Variants in UBE4B observed in about 807,000 individuals in gnomAD.
The protein encoded by UBE4B is ubiquitin conjugation factor E4 B.
In UBE4B, 27 loss-of-function variants were observed where a neutral mutation model predicts 148.1. The ratio of observed to expected loss-of-function variants is 0.18; its 90% CI spans 0.13 to 0.25. The LOEUF (loss-of-function observed/expected upper bound fraction) is 0.25. Among genes scored for constraint, UBE4B ranks in the 10% least tolerant of loss-of-function variants. The probability of loss-of-function intolerance (pLI) is 1.00; values close to 1 mark genes in which losing one functional copy is unlikely to be tolerated. For synonymous variants in UBE4B, 596 were observed against 619.3 expected (o/e 0.96, Z 0.56); for missense variants, 1,170 against 1,662.4 (o/e 0.70, Z 5.15).
At chr1:10,159,506 A>G (rs1193062439) in intron 22 of UBE4B, among the ~76,000 whole-genome samples, 1 of 152,174 alleles carries the variant, frequency 6.6e-6, no homozygotes, top group Non-Finnish European at 1.5e-5. Flanking sequence ...CCCCGTCTCT[A>G]CTAAAAATAC....
chr1:10,129,960 T>C (rs1645565448), intron 12 of UBE4B, among the ~76,000 whole-genome samples: 1 of 151,232 alleles, frequency 6.6e-6, no homozygotes, highest in African/African-American at 2.4e-5. Context: ...CCTGTTTTTT[T>C]TCCCTTGACA....
chr1:10,055,085 G>A (rs1056210739), intron 1 of UBE4B, among the ~76,000 whole-genome samples: 7 of 151,994 alleles, frequency 4.6e-5, no homozygotes, highest in East Asian at 1.9e-4. Context: ...CGCACCCGGC[G>A]TGTTTTTACT....
intron 9 of UBE4B, among the ~76,000 whole-genome samples, chr1:10,120,812 T>G (rs1182654402): frequency 6.6e-6 from 1 of 152,172 alleles, no homozygotes; most frequent in African/African-American, 2.4e-5. Flanking sequence ...CACTCCAGCC[T>G]GGGCAACAGA....
At chr1:10,068,308 G>A (rs1194472785) in intron 1 of UBE4B, among the ~76,000 whole-genome samples, 1 of 151,666 alleles carries the variant, frequency 6.6e-6, no homozygotes, top group Non-Finnish European at 1.5e-5. Context: ...GGGATTACGA[G>A]CATGAGCCAC....
chr1:10,149,586 T>C (rs548362369), intron 20 of UBE4B, among the ~76,000 whole-genome samples: 1 of 152,348 alleles, frequency 6.6e-6, no homozygotes, highest in Admixed American at 6.5e-5. Context: ...TATAAATGTC[T>C]GAATGAACAT....
intron 17 of UBE4B, among the ~76,000 whole-genome samples, chr1:10,139,408 G>A (rs1645751224): frequency 2.0e-5 from 3 of 151,522 alleles, no homozygotes; most frequent in African/African-American, 7.2e-5. Context: ...AAAAAAAAAA[G>A]AAAGAACTGG....
chr1:10,177,797 C>T (rs1646449225), intron 25 of UBE4B, among the ~76,000 whole-genome samples: 1 of 152,094 alleles, frequency 6.6e-6, no homozygotes, highest in African/African-American at 2.4e-5. Context: ...ACTATAAATA[C>T]AAACTACAGC....
At chr1:10,135,220 C>T in intron 16 of UBE4B, 34 bp downstream of exon 16, 1 of 1,584,604 alleles carries the variant, frequency 6.3e-7, no homozygotes, top group South Asian at 1.1e-5. Flanking sequence ...GTCATTAAAA[C>T]ACTGCCCTCT....
intron 17 of UBE4B, among the ~76,000 whole-genome samples, chr1:10,138,571 A>T (rs1003988962): frequency 6.6e-6 from 1 of 152,140 alleles, no homozygotes; most frequent in African/African-American, 2.4e-5. Context: ...AACTCTGCAA[A>T]TTCTTTATGA....
intron 10 of UBE4B, among the ~76,000 whole-genome samples, chr1:10,125,938 G>A (rs191070947): frequency 6.6e-6 from 1 of 152,298 alleles, no homozygotes; most frequent in African/African-American, 2.4e-5. Context: ...GTTTAATGTA[G>A]TAATAATGTT....
rs759661609 is a variant in UBE4B, at chr1:10,137,159, T to G, written c.2317T>G (p.Cys773Gly). 6.2e-6 allele frequency: 10 copies of G among 1,614,192 alleles called. No individual in the cohort carries two copies. Among genetic ancestry groups the G allele is most frequent in the Non-Finnish European group, 8.5e-6 (10 of 1,180,044 alleles). ...TCACCACCTCTCTATTCTGCCTAGT[T>G]GCCGTCGCTATATCCGCAGACTCCG... ...HAHHLSILPS[C>G]RRYIRRLRAI... is the part of the protein sequence containing the mutation. Residue 773 changes from cysteine (C) to glycine (G), a missense_variant, in exon 17 of 28, where the codon TGC becomes GGC. Cys to Gly is a radical substitution (Grantham distance 159). Coordinates refer to ENST00000343090, the MANE Select transcript of UBE4B (RefSeq NM_001105562.3).
rs371947163 is a variant in UBE4B at position 10,106,415 on chromosome 1, G to T, written c.1028G>T (p.Gly343Val). The T allele has an allele frequency of 5.0e-6, 8 of 1,613,712 alleles. No individual in the cohort carries two copies. Among genetic ancestry groups the T allele is most frequent in the South Asian group, 2.2e-5 (2 of 91,032 alleles). Reference protein sequence around the residue: ...YTVTHPWASSGVSILSSSPSP... With the variant: ...YTVTHPWASSVVSILSSSPSP... Reference sequence around the variant, plus strand: ...GTCACTCACCCATGGGCGTCCTCAGGCGTCTCCATTCTGTCGAGCTCCCCA... The same window carrying T: ...GTCACTCACCCATGGGCGTCCTCAGTCGTCTCCATTCTGTCGAGCTCCCCA... Residue 343 changes from glycine to valine, a missense_variant, in exon 7 of 28, where the codon GGC (glycine) becomes GTC (valine). Gly to Val is a moderately radical substitution (Grantham distance 109). Coordinates refer to ENST00000343090, the MANE Select transcript of UBE4B (RefSeq NM_001105562.3). The surrounding 1 kb of genome is among the most constrained non-coding windows in gnomAD (Gnocchi z 4.2).
chr1:10,096,210 A>C lies in UBE4B; in HGVS notation c.347+614A>C, dbSNP rs138527945. Among the ~76,000 whole-genome samples, 353 of 152,344 alleles carry C rather than the reference A, an allele frequency of 2.3e-3. 4 individuals are homozygous for C. Among genetic ancestry groups the C allele is most frequent in the Non-Finnish European group, 3.5e-3 (241 of 68,030 alleles). On this transcript the variant is annotated intron_variant, in intron 3 of 27. Coordinates refer to ENST00000343090, the MANE Select transcript of UBE4B (RefSeq NM_001105562.3). ...ACTTTTACTAATTAGTGAAATTTAA[A>C]AGTTTGGAATATTTCATACAGGTAA... is the stretch of plus-strand genomic sequence containing the variant.
chr1:10,157,648 C>T (rs1646095529), intron 21 of UBE4B, among the ~76,000 whole-genome samples: 1 of 151,916 alleles, frequency 6.6e-6, no homozygotes, highest in African/African-American at 2.4e-5. Flanking sequence ...CGTGGTGGCG[C>T]ATGTCTATAG....
chr1:10,043,359 G>T (rs1387338525), intron 1 of UBE4B, among the ~76,000 whole-genome samples: 1 of 150,276 alleles, frequency 6.7e-6, no homozygotes, highest in African/African-American at 2.4e-5. Context: ...AATCATTTCT[G>T]AGATGTACTC....
intron 2 of UBE4B, among the ~76,000 whole-genome samples, chr1:10,086,890 A>G (rs570809620): frequency 4.6e-5 from 7 of 152,198 alleles, no homozygotes; most frequent in African/African-American, 1.2e-4. Flanking sequence ...GGGTTTCACC[A>G]TGTTGGCCAG....
intron 7 of UBE4B, among the ~76,000 whole-genome samples, chr1:10,114,967 G>T (rs1645283239): frequency 6.6e-6 from 1 of 152,102 alleles, no homozygotes; most frequent in East Asian, 1.9e-4. Context: ...AGGTGGCTTA[G>T]TTACCTACTC....
rs1237001603 is a variant in UBE4B at position 10,180,921 on chromosome 1, G to A, written c.*965G>A. The A allele has an allele frequency of 1.3e-5, 2 of 152,342 alleles. No individual in the cohort carries two copies. The highest frequency in any genetic ancestry group is 4.8e-5 in the African/African-American group (2 of 41,346). The allele number at this position is 152,342 out of a possible 1,614,324, so 9.4% of individuals were successfully genotyped here. A position where few individuals can be genotyped will look rare whatever the true frequency, so the allele number is the denominator to read the frequency against. ...CAGGGTCATTTGTGTGATGTGTTTG[G>A]CCTTACCAAAGCAAAAGAGGGTGCA... On this transcript the variant is annotated 3_prime_UTR_variant, in exon 28 of 28. Transcript: ENST00000343090.
At chr1:10,174,404 AAAG>A (rs1171899617) in intron 25 of UBE4B, among the ~76,000 whole-genome samples, 26 of 149,840 alleles carry the variant, frequency 1.7e-4, no homozygotes, top group Admixed American at 4.0e-4. Context: ...AAAAAAAAAA[AAAG>A]AAGAAGTATT....
Sources: allele counts gnomAD v4.1 joint callset (sites outside exome capture counted in the v4.1 genomes callset), GRCh38; gene constraint gnomAD v4.1.1; non-coding constraint Gnocchi (gnomAD v3.1); transcripts MANE v1.5; gene names NCBI Gene and HGNC (gene_info 2026-07-23, HGNC 2026-07-21).